The following PPP4R3A variants were observed in gnomAD, a reference collection of about 807,000 sequenced individuals.
PPP4R3A encodes serine/threonine-protein phosphatase 4 regulatory subunit 3A.
PPP4R3A carries 15 observed loss-of-function variants against 91.7 expected under a neutral mutation model. The observed-to-expected ratio is 0.16, with a 90% CI of 0.11 to 0.25. PPP4R3A has a LOEUF of 0.25. Ranked by LOEUF, PPP4R3A falls within the 10% of genes least tolerant of loss-of-function variation. The probability of loss-of-function intolerance (pLI) is 1.00; values close to 1 mark genes in which losing one functional copy is unlikely to be tolerated. For synonymous variants in PPP4R3A, 377 were observed against 348.7 expected (o/e 1.08, Z -0.91); for missense variants, 623 against 998.4 (o/e 0.62, Z 5.07).
At chr14:91,505,125 C>T (rs1264319032) in intron 1 of PPP4R3A, among the ~76,000 whole-genome samples, 1 of 152,060 alleles carries the variant, frequency 6.6e-6, no homozygotes, top group East Asian at 1.9e-4. Flanking sequence ...TGACTTTGGA[C>T]ATGTTGTCAT....
In PPP4R3A at chr14:91,458,594, C is replaced by A. The variant is rs1887913021; in HGVS notation, c.*165G>T. 2.1e-6 allele frequency: 2 copies of A among 965,442 alleles called. No individual in the cohort carries two copies. Among genetic ancestry groups the A allele is most frequent in the South Asian group, 1.3e-5 (1 of 76,944 alleles). The allele number at this position is 965,442 out of a possible 1,614,324, so 59.8% of individuals were successfully genotyped here. The stretch of plus-strand genomic sequence containing the variant: ...CCCTAAATATATGATATCCCCTCCT[C>A]CTGCTCCATTGAATTGGCACTTGAT... On this transcript the variant is annotated 3_prime_UTR_variant, in exon 15 of 15. Transcript: ENST00000554943.
chr14:91,465,003 C>G (rs886532865), intron 11 of PPP4R3A, among the ~76,000 whole-genome samples: 2 of 152,192 alleles, frequency 1.3e-5, no homozygotes, highest in Non-Finnish European at 2.9e-5. Flanking sequence ...TCCTGCTGTG[C>G]AGCCTGGTTC....
chr14:91,478,397 T>G (rs1889339142), intron 4 of PPP4R3A, among the ~76,000 whole-genome samples: 1 of 152,250 alleles, frequency 6.6e-6, no homozygotes, highest in South Asian at 2.1e-4. Flanking sequence ...TTTGTGTGCA[T>G]GGGGCTATAC....
intron 10 of PPP4R3A, among the ~76,000 whole-genome samples, chr14:91,468,019 T>A (rs1888583259): frequency 6.6e-6 from 1 of 152,214 alleles, no homozygotes; most frequent in African/African-American, 2.4e-5. Flanking sequence ...AAACTCCTAT[T>A]GCATACTACA....
Position 91,508,092 on chromosome 14 carries a change from T to G in PPP4R3A, c.142+1414A>C, listed in dbSNP as rs754154343. Reference sequence around the variant, plus strand: ...GTGTGAAAGATCTAGAGTAGGTTATTATGTGAGTCACATACAAAATTACAC... The same window carrying G: ...GTGTGAAAGATCTAGAGTAGGTTATGATGTGAGTCACATACAAAATTACAC... On this transcript the variant is annotated intron_variant, in intron 1 of 14. Transcript: ENST00000554943. Among the ~76,000 whole-genome samples the G allele has an allele frequency of 5.9e-5, 9 of 152,352 alleles. No homozygotes were observed. In the South Asian group the frequency reaches 1.2e-3, roughly 21 times the overall value.
Position 91,465,438 on chromosome 14 carries a change from G to A in PPP4R3A, c.1661-19C>T. On this transcript the variant is annotated intron_variant, in intron 10 of 14. Transcript: ENST00000554943. ...AGGGCACCTGAAACACAGAGGCATG[G>A]TTGTTTAAATCACATACCACTCTTC... is the stretch of plus-strand genomic sequence containing the variant. 6.4e-7 allele frequency: 1 copy of A among 1,558,294 alleles called. No individual in the cohort carries two copies. The highest frequency in any genetic ancestry group is 8.6e-7 in the Non-Finnish European group (1 of 1,158,190).
chr14:91,489,711 G>GCCA (rs1270301883), intron 2 of PPP4R3A, among the ~76,000 whole-genome samples: 2 of 152,130 alleles, frequency 1.3e-5, no homozygotes, highest in African/African-American at 4.8e-5. Context: ...GAAGACCAAA[G>GCCA]CCAAATATTC....
intron 1 of PPP4R3A, among the ~76,000 whole-genome samples, chr14:91,503,699 C>A (rs573744404): frequency 5.3e-5 from 8 of 151,830 alleles, no homozygotes; most frequent in African/African-American, 1.9e-4. Flanking sequence ...AACCTGCACA[C>A]GTACCCGGGA....
At chr14:91,495,219 T>C (rs933909112) in intron 1 of PPP4R3A, among the ~76,000 whole-genome samples, 3 of 151,802 alleles carry the variant, frequency 2.0e-5, no homozygotes, top group Admixed American at 1.3e-4. Flanking sequence ...AATGAAAACC[T>C]AACACATTAC....
At chr14:91,467,046 C>T (rs1166165807) in intron 10 of PPP4R3A, among the ~76,000 whole-genome samples, 3 of 152,022 alleles carry the variant, frequency 2.0e-5, no homozygotes, top group East Asian at 3.9e-4. Context: ...GTAGATGGCA[C>T]CACTGCACTT....
Position 91,509,889 on chromosome 14 carries a change from C to G in PPP4R3A, c.-242G>C. 9.2e-7 allele frequency: 1 copy of G among 1,082,968 alleles called. No individual in the cohort carries two copies. Among genetic ancestry groups the G allele is most frequent in the South Asian group, 4.4e-5 (1 of 22,982 alleles). 67.1% of individuals were successfully genotyped at this position (1,082,968 alleles called of 1,614,324 possible). ...CGCTATTGTCCAGGCCTGGCGAGCC[C>G]GGCGCCCGGCAGCCCCGAGGGGGCC... On this transcript the variant is annotated 5_prime_UTR_variant, in exon 1 of 15. Transcript: ENST00000554943.
intron 1 of PPP4R3A, among the ~76,000 whole-genome samples, chr14:91,503,229 C>T (rs575348160): frequency 1.3e-5 from 2 of 152,142 alleles, no homozygotes; most frequent in African/African-American, 4.8e-5. Context: ...CTTGAGCAAT[C>T]CTCCCCCACC....
chr14:91,510,071 A>C lies in PPP4R3A; in HGVS notation c.-424T>G. The C allele has an allele frequency of 4.2e-6, 2 of 470,620 alleles. No individual in the cohort carries two copies. The highest frequency in any genetic ancestry group is 5.6e-6 in the Non-Finnish European group (2 of 358,094). 29.2% of individuals were successfully genotyped at this position (470,620 alleles called of 1,614,324 possible). A position where few individuals can be genotyped will look rare whatever the true frequency, so the allele number is the denominator to read the frequency against. Reference sequence around the variant, plus strand: ...CGCCGCCGCCATATTTTCCTTCCTTATACCTGGCCCTGCCACCGCGGCCAG... The same window carrying C: ...CGCCGCCGCCATATTTTCCTTCCTTCTACCTGGCCCTGCCACCGCGGCCAG... On this transcript the variant is annotated 5_prime_UTR_variant, in exon 1 of 15. Coordinates refer to ENST00000554943, the MANE Select transcript of PPP4R3A (RefSeq NM_001366432.2).
chr14:91,502,575 T>G (rs926380378), intron 1 of PPP4R3A, among the ~76,000 whole-genome samples: 1 of 152,200 alleles, frequency 6.6e-6, no homozygotes, highest in African/African-American at 2.4e-5. Context: ...CAAAAGCTTT[T>G]CCACCCTAAG....
At chr14:91,496,908 C>G (rs185151523) in intron 1 of PPP4R3A, among the ~76,000 whole-genome samples, 3 of 152,020 alleles carry the variant, frequency 2.0e-5, no homozygotes, top group Admixed American at 2.0e-4. Flanking sequence ...GTTATAAACA[C>G]TAAACCAATC....
intron 4 of PPP4R3A, among the ~76,000 whole-genome samples, chr14:91,478,708 CAGG>C (rs1338181507): frequency 2.0e-5 from 3 of 151,556 alleles, no homozygotes; most frequent in African/African-American, 4.8e-5. Flanking sequence ...AGAAAAGGAT[CAGG>C]AGAACTCAGT....
Position 91,457,772 on chromosome 14 carries a change from T to TG in PPP4R3A, c.*986dup, listed in dbSNP as rs1887856542. ...ATGTTTCTAGATTTAACAAAACTGT[T>TG]GAAGTTTTAAATTCCATTCTATTTC... On this transcript the variant is annotated 3_prime_UTR_variant, in exon 15 of 15. Transcript: ENST00000554943. 1 of 152,658 alleles carries TG rather than the reference T, an allele frequency of 6.6e-6. No individual in the cohort carries two copies. Among genetic ancestry groups the TG allele is most frequent in the South Asian group, 2.1e-4 (1 of 4,832 alleles). The allele number at this position is 152,658 out of a possible 1,614,324, so 9.5% of individuals were successfully genotyped here.
chr14:91,481,478 T>C, intron 4 of PPP4R3A, 98 bp downstream of exon 4: 2 of 1,257,610 alleles, frequency 1.6e-6, no homozygotes, highest in Non-Finnish European at 2.1e-6. Context: ...CTTAACTTTA[T>C]ACATTAACAA....
chr14:91,507,422 A>ATAC (rs1891413590), intron 1 of PPP4R3A, among the ~76,000 whole-genome samples: 1 of 134,662 alleles, frequency 7.4e-6, no homozygotes, highest in East Asian at 2.0e-4. Flanking sequence ...ACTATATAAT[A>ATAC]TATATACTAT....
Sources: allele counts gnomAD v4.1 joint callset (sites outside exome capture counted in the v4.1 genomes callset), GRCh38; gene constraint gnomAD v4.1.1; transcripts MANE v1.5; gene names NCBI Gene and HGNC (gene_info 2026-07-23, HGNC 2026-07-21).